The following PIK3CD variants were observed in gnomAD, a reference collection of about 807,000 sequenced individuals.
The protein encoded by PIK3CD is phosphatidylinositol-4,5-bisphosphate 3-kinase catalytic subunit delta, also known as phosphatidylinositol 4,5-bisphosphate 3-kinase catalytic subunit delta isoform.
In PIK3CD, 20 loss-of-function variants were observed where a neutral mutation model predicts 122.9. That is an observed-to-expected ratio of 0.16 (90% CI 0.11 to 0.24). The LOEUF (loss-of-function observed/expected upper bound fraction) is 0.24. PIK3CD is among the 10% of genes least tolerant of loss of function. The probability of loss-of-function intolerance (pLI) is 1.00; values close to 1 mark genes in which losing one functional copy is unlikely to be tolerated. For missense variants in PIK3CD, 787 were observed against 1,406.3 expected, an observed-to-expected ratio of 0.56 and a Z score of 7.04; for synonymous variants, 596 against 593.4, an observed-to-expected ratio of 1.00 and a Z score of -0.06.
the PIK3CD span, among the ~76,000 whole-genome samples, chr1:9,636,206 TG>T: frequency 2.0e-5 from 3 of 151,840 alleles, no homozygotes; most frequent in African/African-American, 4.8e-5. Context: ...TGCATTTTTT[TG>T]GGGGGGGACA....
rs765297753 is a variant in PIK3CD at position 9,715,899 on chromosome 1, G to A, written c.421G>A (p.Ala141Thr). Residue 141 changes from alanine (A) to threonine (T), a missense_variant, in exon 5 of 24, where the codon GCC becomes ACC. Ala to Thr is a moderately conservative substitution (Grantham distance 58). Around this residue, in one of 6 missense-constraint regions of PIK3CD, gnomAD observed 592 missense variants for 920.6 expected, o/e 0.64. Coordinates refer to ENST00000377346, the MANE Select transcript of PIK3CD (RefSeq NM_005026.5). The surrounding 1 kb of genome is among the most constrained non-coding windows in gnomAD (Gnocchi z 4.1). ...LCDPEVNDFR[A>T]KMCQFCEEAA... is the part of the protein sequence containing the mutation. ...CGACCCAGAAGTGAACGACTTTCGC[G>A]CCAAGATGTGCCAATTCTGCGAGGA... 1.1e-5 allele frequency: 17 copies of A among 1,612,370 alleles called. No homozygotes were observed. Among genetic ancestry groups the A allele is most frequent in the East Asian group, 6.7e-5 (3 of 44,846 alleles).
chr1:9,642,644 G>A, the PIK3CD span, among the ~76,000 whole-genome samples: 2 of 150,826 alleles, frequency 1.3e-5, no homozygotes, highest in Non-Finnish European at 3.0e-5. Context: ...GTGAACCCGG[G>A]AGGCGGAGCT....
At chr1:9,687,615 C>T (rs1346237527) in intron 1 of PIK3CD, 1 of 152,032 alleles carries the variant, frequency 6.6e-6, no homozygotes, top group Non-Finnish European at 1.5e-5. Context: ...GTCTCCAGCC[C>T]CCGGCCCGGG....
intron 2 of PIK3CD, among the ~76,000 whole-genome samples, chr1:9,701,853 G>A (rs1392569211): frequency 6.6e-6 from 1 of 152,108 alleles, no homozygotes; most frequent in African/African-American, 2.4e-5. Context: ...AGTTCATGAT[G>A]TGGCCACCAA....
intron 2 of PIK3CD, among the ~76,000 whole-genome samples, chr1:9,697,845 A>T (rs943679045): frequency 6.6e-6 from 1 of 151,648 alleles, no homozygotes; most frequent in African/African-American, 2.4e-5. Context: ...AGCCTGAGCA[A>T]CATGGCAAAA....
At chr1:9,647,077 C>T (rs1168225546), upstream of PIK3CD, among the ~76,000 whole-genome samples, 1 of 151,662 alleles carries the variant, frequency 6.6e-6, no homozygotes, top group Non-Finnish European at 1.5e-5. Flanking sequence ...TGTCATTGCA[C>T]TCCAGCCTTG....
intron 1 of PIK3CD, among the ~76,000 whole-genome samples, chr1:9,677,782 C>T (rs1338505114): frequency 6.6e-6 from 1 of 151,846 alleles, no homozygotes; most frequent in Non-Finnish European, 1.5e-5. Flanking sequence ...GCATACTGTA[C>T]GTTTTTAATT....
chr1:9,638,023 C>G, the PIK3CD span, among the ~76,000 whole-genome samples: 1 of 152,010 alleles, frequency 6.6e-6, no homozygotes, highest in South Asian at 2.1e-4. Context: ...AGGAGAATTG[C>G]TTGAACCCGG....
the PIK3CD span, among the ~76,000 whole-genome samples, chr1:9,641,642 C>G: frequency 1.3e-5 from 2 of 152,088 alleles, no homozygotes; most frequent in African/African-American, 2.4e-5. Flanking sequence ...GCTGTCTGCT[C>G]TGGCCCAGAA....
chr1:9,668,000 G>T (rs949770505), intron 1 of PIK3CD, among the ~76,000 whole-genome samples: 2 of 142,022 alleles, frequency 1.4e-5, no homozygotes, highest in African/African-American at 5.2e-5. Flanking sequence ...TGATCTTCCC[G>T]CCTTCGCCTC....
rs113043306 is a variant in PIK3CD at position 9,721,896 on chromosome 1, G to A, written c.2055+36G>A. On this transcript the variant is annotated intron_variant, in intron 16 of 23. Coordinates refer to ENST00000377346, the MANE Select transcript of PIK3CD (RefSeq NM_005026.5). ...AGGCCCTGGGGGGCGGGCAGGGGGC[G>A]GCCCTGAGCGTCTGGGAATCCCCAG... is the stretch of plus-strand genomic sequence containing the variant. 6.2e-6 allele frequency: 10 copies of A among 1,611,218 alleles called. No individual in the cohort carries two copies. The African/African-American group carries it at 6.7e-5, about 11-fold the overall frequency.
upstream of PIK3CD, among the ~76,000 whole-genome samples, chr1:9,650,617 G>A (rs988488583): frequency 6.6e-6 from 1 of 151,252 alleles, no homozygotes; most frequent in African/African-American, 2.4e-5. Flanking sequence ...GAGCAAGACT[G>A]TCTCAAAAAA....
chr1:9,682,573 G>A (rs552226555), intron 1 of PIK3CD, among the ~76,000 whole-genome samples: 3 of 151,884 alleles, frequency 2.0e-5, no homozygotes, highest in East Asian at 1.9e-4. Context: ...ACGGAGTCTC[G>A]CTGTCTCACT....
At chr1:9,654,148 C>G (rs999318681) in intron 1 of PIK3CD, 1 of 1,281,516 alleles carries the variant, frequency 7.8e-7, no homozygotes, top group African/African-American at 1.5e-5. Context: ...CCACTTCCCC[C>G]GCCCTTCAGC....
the PIK3CD span, among the ~76,000 whole-genome samples, chr1:9,641,046 C>A: frequency 6.6e-6 from 1 of 152,130 alleles, no homozygotes; most frequent in South Asian, 2.1e-4. Context: ...CCTGTCTCTC[C>A]CCTCCTATCT....
chr1:9,693,830 A>G (rs1026782038), intron 2 of PIK3CD, among the ~76,000 whole-genome samples: 1 of 152,006 alleles, frequency 6.6e-6, no homozygotes, highest in Non-Finnish European at 1.5e-5. Context: ...CAGGTGGAAA[A>G]GGCAAAGGAA....
chr1:9,648,929 C>T (rs559439455), upstream of PIK3CD, among the ~76,000 whole-genome samples: 4 of 152,206 alleles, frequency 2.6e-5, no homozygotes, highest in East Asian at 3.9e-4. Context: ...GGTGAAACCT[C>T]GTCTCTACTA....
At chr1:9,637,144 G>C in the PIK3CD span, among the ~76,000 whole-genome samples, 67 of 152,058 alleles carry the variant, frequency 4.4e-4, no homozygotes, top group Non-Finnish European at 8.4e-4. Flanking sequence ...TGATCTGCCT[G>C]TCTTGGCCTC....
Position 9,715,135 on chromosome 1 carries a change from C to T in PIK3CD, c.142-406C>T, listed in dbSNP as rs985203069. 3.3e-5 allele frequency among the ~76,000 whole-genome samples: 5 copies of T among 152,154 alleles called. No homozygotes were observed. The highest frequency in any genetic ancestry group is 1.2e-4 in the African/African-American group (5 of 41,414). Reference sequence around the variant, plus strand: ...GAGGTTGCAGTGAGCCAGGATTGCGCCACTGCACTCCAACCTGGGCGACAG... The same window carrying T: ...GAGGTTGCAGTGAGCCAGGATTGCGTCACTGCACTCCAACCTGGGCGACAG... On this transcript the variant is annotated intron_variant, in intron 3 of 23. Coordinates refer to ENST00000377346, the MANE Select transcript of PIK3CD (RefSeq NM_005026.5). This position sits in a 1 kb window ranked among gnomAD's most constrained non-coding sequence, Gnocchi z 4.1.
Sources: allele counts gnomAD v4.1 joint callset (sites outside exome capture counted in the v4.1 genomes callset), GRCh38; gene constraint gnomAD v4.1.1; regional missense constraint gnomAD v4.1.1; non-coding constraint Gnocchi (gnomAD v3.1); transcripts MANE v1.5; gene names NCBI Gene and HGNC (gene_info 2026-07-23, HGNC 2026-07-21).